The following FBP2 variants were observed in gnomAD, a reference collection of about 807,000 sequenced individuals.
FBP2 encodes the protein fructose-1,6-bisphosphatase isozyme 2.
A neutral mutation model predicts 31.6 loss-of-function variants in FBP2; 27 were observed. The observed-to-expected ratio is 0.85, with a 90% CI of 0.63 to 1.18. The LOEUF is 1.18. Ranked by LOEUF, FBP2 falls within the 50% of genes most tolerant of loss-of-function variation. The probability of loss-of-function intolerance (pLI) is 0.00; values close to 1 mark genes in which losing one functional copy is unlikely to be tolerated. For missense variants in FBP2, 421 were observed against 436.1 expected (o/e 0.97, Z 0.31); for synonymous variants, 168 against 179.8 (o/e 0.93, Z 0.53).
chr9:94,560,812 G>A lies in FBP2; in HGVS notation c.826-1680C>T, dbSNP rs541717662. 5.3e-5 allele frequency among the ~76,000 whole-genome samples: 8 copies of A among 149,860 alleles called. 1 individual carries two copies. The South Asian group carries it at 1.5e-3, about 28-fold the overall frequency. On this transcript the variant is annotated intron_variant, in intron 6 of 6. Coordinates refer to ENST00000375337, the MANE Select transcript of FBP2 (RefSeq NM_003837.4). Reference sequence around the variant, plus strand: ...GTATATATTATATATATTAAGGAGAGGAACATGATGCCTTTGGTCTAGGCT... The same window carrying A: ...GTATATATTATATATATTAAGGAGAAGAACATGATGCCTTTGGTCTAGGCT...
intron 6 of FBP2, among the ~76,000 whole-genome samples, chr9:94,561,728 A>G (rs1383027480): frequency 6.6e-6 from 1 of 152,206 alleles, no homozygotes; most frequent in Non-Finnish European, 1.5e-5. Flanking sequence ...CACACAGGAT[A>G]GGAGTGTGCA....
chr9:94,559,099 A>G lies in FBP2; in HGVS notation c.859T>C (p.Tyr287His). 2 of 1,613,770 alleles carry G rather than the reference A, an allele frequency of 1.2e-6. No homozygotes were observed. The highest frequency in any genetic ancestry group is 1.7e-6 in the Non-Finnish European group (2 of 1,179,918). Residue 287 changes from tyrosine (Y) to histidine (H), a missense_variant, in exon 7 of 7, where the codon TAC becomes CAC. Physicochemically the swap from Tyr to His is moderately conservative, Grantham distance 83. Transcript: ENST00000375337. The stretch of plus-strand genomic sequence containing the variant: ...AAGCCTCCTGCCTGCTCAATGATGT[A>G]GGCCACGGGATTGCATTCATACAGG... ...RLLYECNPVA[Y>H]IIEQAGGLAT...
intron 4 of FBP2, chr9:94,569,399 A>G (rs998160437): frequency 2.0e-5 from 3 of 152,186 alleles, no homozygotes; most frequent in African/African-American, 7.2e-5. Flanking sequence ...GCCGGGGTCA[A>G]TTTTGCTGTT....
chr9:94,572,759 C>T (rs2406664), intron 3 of FBP2, among the ~76,000 whole-genome samples: 74,022 of 152,060 alleles, frequency 0.49, 18,655 homozygotes, highest in African/African-American at 0.61. Flanking sequence ...TGCATACATG[C>T]AGTGATTTTC....
At chr9:94,589,034 G>A (rs1827462007) in intron 1 of FBP2, among the ~76,000 whole-genome samples, 1 of 152,210 alleles carries the variant, frequency 6.6e-6, no homozygotes, top group Admixed American at 6.5e-5. Context: ...GTTTGGAGCA[G>A]CATTCCCTGG....
intron 3 of FBP2, among the ~76,000 whole-genome samples, chr9:94,581,086 A>G (rs1322356667): frequency 1.3e-5 from 2 of 152,230 alleles, no homozygotes; most frequent in Non-Finnish European, 2.9e-5. Context: ...ATGCTTAACT[A>G]CCTATAAGCC....
chr9:94,586,319 G>A (rs1185302398), intron 2 of FBP2, among the ~76,000 whole-genome samples: 1 of 152,174 alleles, frequency 6.6e-6, no homozygotes, highest in African/African-American at 2.4e-5. Flanking sequence ...AGGTTACAGT[G>A]AGCTGAGATT....
chr9:94,565,779 GATA>G (rs1173211393), intron 5 of FBP2, among the ~76,000 whole-genome samples: 2 of 65,366 alleles, frequency 3.1e-5, no homozygotes, highest in Non-Finnish European at 6.6e-5. Context: ...ATGATAGATA[GATA>G]GATAGATGAT....
chr9:94,563,089 G>A (rs933198802), intron 6 of FBP2, among the ~76,000 whole-genome samples: 21 of 152,332 alleles, frequency 1.4e-4, no homozygotes, highest in African/African-American at 4.3e-4. Context: ...CATGGTGAAC[G>A]GTGGGTGTGA....
At chr9:94,560,743 ATATGT>A (rs1424215509) in intron 6 of FBP2, among the ~76,000 whole-genome samples, 1 of 147,590 alleles carries the variant, frequency 6.8e-6, no homozygotes, top group African/African-American at 2.5e-5. Flanking sequence ...TTTACATATA[ATATGT>A]TATATATTTA....
intron 3 of FBP2, among the ~76,000 whole-genome samples, chr9:94,576,013 A>G (rs1330975446): frequency 6.6e-6 from 1 of 152,142 alleles, no homozygotes; most frequent in Non-Finnish European, 1.5e-5. Context: ...ACTGCATGCT[A>G]GTATCTATTA....
chr9:94,586,317 G>C (rs111276921), intron 2 of FBP2, among the ~76,000 whole-genome samples: 1,755 of 152,314 alleles, frequency 0.012, 18 homozygotes, highest in South Asian at 0.02. Flanking sequence ...AGAGGTTACA[G>C]TGAGCTGAGA....
At chr9:94,591,404 G>GC (rs1827501206) in intron 1 of FBP2, among the ~76,000 whole-genome samples, 1 of 152,234 alleles carries the variant, frequency 6.6e-6, no homozygotes, top group Non-Finnish European at 1.5e-5. Flanking sequence ...GTCCCCCATT[G>GC]CCGGGGGCCA....
At chr9:94,569,283 C>T (rs537821938) in intron 4 of FBP2, 1 of 152,396 alleles carries the variant, frequency 6.6e-6, no homozygotes, top group Non-Finnish European at 1.5e-5. Context: ...GGCCATGTTG[C>T]GAGACCACTG....
chr9:94,588,425 C>A (rs1387008135), intron 1 of FBP2, among the ~76,000 whole-genome samples: 4 of 151,590 alleles, frequency 2.6e-5, no homozygotes, highest in Non-Finnish European at 2.9e-5. Context: ...AGTTCAAGAC[C>A]AGTCTGGGCA....
At chr9:94,584,713 A>G (rs1455733318) in intron 2 of FBP2, 44 bp from the exon 3 acceptor site, 2 of 1,178,624 alleles carry the variant, frequency 1.7e-6, no homozygotes, top group East Asian at 2.3e-5. Context: ...ACATCTTCCC[A>G]TTAGCACAAT....
At chr9:94,572,575 C>T (rs998517087) in intron 3 of FBP2, among the ~76,000 whole-genome samples, 2 of 152,192 alleles carry the variant, frequency 1.3e-5, no homozygotes, top group Non-Finnish European at 2.9e-5. Context: ...TTTTCATTCA[C>T]GGGCTTAGTG....
At chr9:94,567,129 CAG>C (rs1827200814) in intron 5 of FBP2, 139 bp downstream of exon 5, 1 of 722,746 alleles carries the variant, frequency 1.4e-6, no homozygotes, top group Admixed American at 2.4e-5. Context: ...TGAAGAAAGG[CAG>C]AGTCCATCAT....
chr9:94,582,593 G>A lies in FBP2; in HGVS notation c.426+1984C>T, dbSNP rs2131457043. 1.3e-5 allele frequency among the ~76,000 whole-genome samples: 2 copies of A among 149,880 alleles called. 1 individual carries two copies. Among genetic ancestry groups the A allele is most frequent in the South Asian group, 4.2e-4 (2 of 4,728 alleles). ...GACGGAGTCTCGCTCTGTCACCCAG[G>A]CTAGAGTGCAGTGGCGCGATCTTGG... is the stretch of plus-strand genomic sequence containing the variant. On this transcript the variant is annotated intron_variant, in intron 3 of 6. Coordinates refer to ENST00000375337, the MANE Select transcript of FBP2 (RefSeq NM_003837.4).
Sources: allele counts gnomAD v4.1 joint callset (sites outside exome capture counted in the v4.1 genomes callset), GRCh38; gene constraint gnomAD v4.1.1; transcripts MANE v1.5; gene names NCBI Gene and HGNC (gene_info 2026-07-23, HGNC 2026-07-21).